CDH12: variants seen among roughly 807,000 people sequenced by gnomAD.
CDH12 encodes cadherin-12.
Under a neutral mutation model 74.1 loss-of-function variants are expected in CDH12, and 41 were observed. That is an observed-to-expected ratio of 0.55 (90% CI 0.43 to 0.72). The LOEUF (loss-of-function observed/expected upper bound fraction) is 0.72, where lower values mean the gene tolerates loss of function less well. CDH12 is among the 30% of genes least tolerant of loss of function. CDH12 has a pLI of 0.00. For missense variants in CDH12, 945 were observed against 977.2 expected, an observed-to-expected ratio of 0.97 and a Z score of 0.44; for synonymous variants, 399 against 355.0, an observed-to-expected ratio of 1.12 and a Z score of -1.39.
intron 2 of CDH12, among the ~76,000 whole-genome samples, chr5:22,456,639 A>C (rs1745288070): frequency 2.4e-5 from 1 of 42,248 alleles, no homozygotes; most frequent in Admixed American, 4.8e-4. Context: ...TTTGAATGGA[A>C]AAAAAAAAAT....
At chr5:22,058,205 C>T (rs570200722) in intron 5 of CDH12, among the ~76,000 whole-genome samples, 6 of 152,080 alleles carry the variant, frequency 3.9e-5, no homozygotes, top group Non-Finnish European at 5.9e-5. Flanking sequence ...TACAGGCACA[C>T]GCCTCCATGC....
At chr5:22,046,955 T>G (rs1378065654) in intron 5 of CDH12, among the ~76,000 whole-genome samples, 2 of 152,190 alleles carry the variant, frequency 1.3e-5, no homozygotes, top group East Asian at 3.9e-4. Flanking sequence ...GAAATTATGT[T>G]TGAGGATGTC....
In CDH12 at chr5:22,831,371, C is replaced by CTGTGTGTGTG. The variant is rs70959760; in HGVS notation, c.-523+21677_-523+21686dup. 6.1e-3 allele frequency among the ~76,000 whole-genome samples: 889 copies of CTGTGTGTGTG among 146,736 alleles called. 13 individuals are homozygous for CTGTGTGTGTG. The highest frequency in any genetic ancestry group is 0.021 in the African/African-American group (826 of 39,462). On this transcript the variant is annotated intron_variant, in intron 1 of 14. Transcript: ENST00000382254. ...GGAGTTTGTGTGTGTGTGTGTGTGT[C>CTGTGTGTGTG]TGTGTGTGTGTGTGTGTGTGTGTGT...
chr5:22,485,537 C>T (rs141400518), intron 2 of CDH12, among the ~76,000 whole-genome samples: 3 of 152,222 alleles, frequency 2.0e-5, no homozygotes, highest in Non-Finnish European at 4.4e-5. Flanking sequence ...TTTCCCCTGG[C>T]CAACATAAAG....
chr5:22,508,225 A>T (rs1736465897), intron 1 of CDH12, among the ~76,000 whole-genome samples: 1 of 152,128 alleles, frequency 6.6e-6, no homozygotes, highest in Non-Finnish European at 1.5e-5. Context: ...TTAAGCTCTG[A>T]ATTTTTTATC....
intron 1 of CDH12, among the ~76,000 whole-genome samples, chr5:22,607,506 C>T (rs1737177990): frequency 2.0e-5 from 3 of 152,194 alleles, no homozygotes; most frequent in African/African-American, 4.8e-5. Flanking sequence ...CTGATAAATC[C>T]ATCAGATTGT....
chr5:22,387,279 T>C (rs574001705), intron 3 of CDH12, among the ~76,000 whole-genome samples: 2 of 151,946 alleles, frequency 1.3e-5, no homozygotes, highest in African/African-American at 4.8e-5. Flanking sequence ...TTAAAAAAAA[T>C]TTTTAAATTT....
intron 3 of CDH12, among the ~76,000 whole-genome samples, chr5:22,235,728 A>T: frequency 6.6e-6 from 1 of 152,228 alleles, no homozygotes; most frequent in Admixed American, 6.5e-5. Context: ...TCTAAAGAAC[A>T]TATGGAAATA....
intron 1 of CDH12, among the ~76,000 whole-genome samples, chr5:22,582,789 T>G (rs1250367173): frequency 6.6e-6 from 1 of 152,176 alleles, no homozygotes; most frequent in East Asian, 1.9e-4. Flanking sequence ...AATTGTATCA[T>G]GTTTTCATGA....
intron 1 of CDH12, among the ~76,000 whole-genome samples, chr5:22,521,376 T>C (rs1226636791): frequency 2.6e-5 from 4 of 152,090 alleles, no homozygotes; most frequent in East Asian, 3.8e-4. Context: ...TCTTTGAATG[T>C]GATAAGTAAA....
chr5:21,968,506 C>G (rs907478349), intron 6 of CDH12, among the ~76,000 whole-genome samples: 3 of 152,126 alleles, frequency 2.0e-5, no homozygotes, highest in African/African-American at 7.2e-5. Flanking sequence ...ACTCAAAAGG[C>G]AGAACGAAGA....
chr5:22,310,716 G>C (rs768202278), intron 3 of CDH12, among the ~76,000 whole-genome samples: 1 of 152,118 alleles, frequency 6.6e-6, no homozygotes, highest in Non-Finnish European at 1.5e-5. Context: ...ATGGTATTGT[G>C]TTACTTATGG....
intron 3 of CDH12, among the ~76,000 whole-genome samples, chr5:22,243,481 A>T (rs758151692): frequency 8.5e-5 from 13 of 152,114 alleles, no homozygotes; most frequent in Non-Finnish European, 1.6e-4. Context: ...AAGAAAAGAA[A>T]GGGGAAAGGT....
At chr5:22,340,180 A>G (rs1027906047) in intron 3 of CDH12, among the ~76,000 whole-genome samples, 5 of 152,096 alleles carry the variant, frequency 3.3e-5, no homozygotes, top group Non-Finnish European at 7.4e-5. Context: ...TTGAACCTTA[A>G]ATTATCAAAT....
Position 22,405,331 on chromosome 5 carries a change from C to T in CDH12, c.-407G>A, listed in dbSNP as rs899221222. On this transcript the variant is annotated 5_prime_UTR_variant, in exon 3 of 15. Transcript: ENST00000382254. ...TTTTGACCTCCACAGTAACTTGATT[C>T]TATAGCACTGGACATCAAAGCTGAA... 2 of 977,436 alleles carry T rather than the reference C, an allele frequency of 2.0e-6. No individual in the cohort carries two copies. Among genetic ancestry groups the T allele is most frequent in the Admixed American group, 6.2e-5 (1 of 16,244 alleles). The allele number at this position is 977,436 out of a possible 1,614,324, so 60.5% of individuals were successfully genotyped here.
rs371096707 is a variant in CDH12 at position 22,353,060 on chromosome 5, T to C, written c.-333+52197A>G. Reference sequence around the variant, plus strand: ...TGGGATGTGTGACATGATTCTGGATTACCATGACACAATTTGTGAAAACAA... The same window carrying C: ...TGGGATGTGTGACATGATTCTGGATCACCATGACACAATTTGTGAAAACAA... On this transcript the variant is annotated intron_variant, in intron 3 of 14. Transcript: ENST00000382254. 1.4e-4 allele frequency among the ~76,000 whole-genome samples: 21 copies of C among 152,288 alleles called. No homozygotes were observed. In the East Asian group the frequency reaches 2.1e-3, roughly 15 times the overall value.
chr5:22,822,045 T>C (rs1362485814), intron 1 of CDH12, among the ~76,000 whole-genome samples: 3 of 151,992 alleles, frequency 2.0e-5, no homozygotes, highest in Non-Finnish European at 2.9e-5. Flanking sequence ...TATAGATCAA[T>C]GGAACAGAAC....
In CDH12 at chr5:21,847,251, T is replaced by A. The variant is rs114799647; in HGVS notation, c.647-4923A>T. Among the ~76,000 whole-genome samples, 1,086 of 152,260 alleles carry A rather than the reference T, an allele frequency of 7.1e-3. 9 individuals carry two copies. The highest frequency in any genetic ancestry group is 0.025 in the African/African-American group (1,027 of 41,570). ...CAGAAATGTTCTTTCCAAGGGATGC[T>A]TATTTGTAGTTCTTCCACTTCCTTT... On this transcript the variant is annotated intron_variant, in intron 7 of 14. Transcript: ENST00000382254.
chr5:22,483,562 G>C (rs1029316028), intron 2 of CDH12, among the ~76,000 whole-genome samples: 1 of 150,446 alleles, frequency 6.6e-6, no homozygotes, highest in African/African-American at 2.4e-5. Context: ...CTATGACAAG[G>C]AGGTAGGCGA....
Sources: gnomAD v4.1 joint callset for allele counts (sites outside exome capture counted in the v4.1 genomes callset) on GRCh38, gnomAD v4.1.1 for gene constraint, MANE v1.5 for transcripts, NCBI Gene and HGNC (gene_info 2026-07-23, HGNC 2026-07-21) for gene names.